The following PACRG variants were observed in gnomAD, a reference collection of about 807,000 sequenced individuals.
The protein encoded by PACRG is parkin coregulated.
PACRG carries 29 observed loss-of-function variants against 29.7 expected under a neutral mutation model. That is an observed-to-expected ratio of 0.98 (90% CI 0.73 to 1.33). The LOEUF (loss-of-function observed/expected upper bound fraction) is 1.33. Among genes scored for constraint, PACRG ranks in the 40% most tolerant of loss-of-function variants. PACRG has a pLI of 0.00. For synonymous variants in PACRG, 116 were observed against 118.7 expected, an observed-to-expected ratio of 0.98 and a Z score of 0.15; for missense variants, 279 against 316.2, an observed-to-expected ratio of 0.88 and a Z score of 0.89.
intron 1 of PACRG, among the ~76,000 whole-genome samples, chr6:162,797,023 TC>T (rs1391372806): frequency 2.0e-5 from 3 of 152,250 alleles, no homozygotes; most frequent in Admixed American, 2.0e-4. Context: ...ACGCCTGTAA[TC>T]CCAGCACTTT....
At chr6:163,135,029 G>GTA (rs1257959138) in intron 4 of PACRG, among the ~76,000 whole-genome samples, 4 of 151,978 alleles carry the variant, frequency 2.6e-5, no homozygotes, top group Non-Finnish European at 5.9e-5. Context: ...TTTACTCTCA[G>GTA]TATATATATC....
At chr6:163,129,778 T>TTTCCTTCCTACCTCACACTCAGC (rs1816661537) in intron 4 of PACRG, among the ~76,000 whole-genome samples, 1 of 152,136 alleles carries the variant, frequency 6.6e-6, no homozygotes, top group Admixed American at 6.6e-5. Context: ...TCACACTCAG[T>TTTCCTTCCTACCTCACACTCAGC]TTCCTCCCTC....
chr6:163,207,140 T>C (rs13217757), intron 4 of PACRG, among the ~76,000 whole-genome samples: 53,382 of 151,890 alleles, frequency 0.35, 9,455 homozygotes, highest in East Asian at 0.43. Context: ...AATGAAATGA[T>C]TTCAGTCGCA....
intron 4 of PACRG, among the ~76,000 whole-genome samples, chr6:163,288,741 A>G (rs1476266805): frequency 1.4e-5 from 2 of 147,660 alleles, no homozygotes; most frequent in African/African-American, 2.4e-5. Flanking sequence ...ACACTTTTGA[A>G]TGGCTTTCCC....
At chr6:163,234,175 A>T (rs1404226397) in intron 4 of PACRG, among the ~76,000 whole-genome samples, 1 of 152,050 alleles carries the variant, frequency 6.6e-6, no homozygotes, top group Non-Finnish European at 1.5e-5. Flanking sequence ...TATGGTTTGG[A>T]TATAGCTTGT....
In PACRG at chr6:162,814,190, C is replaced by T. The variant is rs1193209598; in HGVS notation, c.200C>T (p.Thr67Ile). The change falls in exon 2 of 5, where the codon ACC (threonine) becomes ATC (isoleucine). Residue 67 changes from threonine to isoleucine, a missense_variant. Transcript: ENST00000366888. ...GCAGGGGCATTTAAAGAAAGACCAACCAAGCCCACAGCATTTCGAAAATTC... is the reference window on the plus strand; with the variant it reads ...GCAGGGGCATTTAAAGAAAGACCAATCAAGCCCACAGCATTTCGAAAATTC... ...PAAGAFKERP[T>I]KPTAFRKFYE... 6.2e-7 allele frequency: 1 copy of T among 1,613,476 alleles called. No individual in the cohort carries two copies. The highest frequency in any genetic ancestry group is 1.7e-5 in the Admixed American group (1 of 59,968).
At chr6:163,243,090 C>T (rs192468992) in intron 4 of PACRG, among the ~76,000 whole-genome samples, 1 of 152,336 alleles carries the variant, frequency 6.6e-6, no homozygotes, top group Non-Finnish European at 1.5e-5. Flanking sequence ...AACCATGACC[C>T]GCATTGGACT....
At chr6:163,070,229 C>T (rs1811914608) in intron 3 of PACRG, among the ~76,000 whole-genome samples, 1 of 152,080 alleles carries the variant, frequency 6.6e-6, no homozygotes, top group African/African-American at 2.4e-5. Flanking sequence ...AGGAACAGAA[C>T]TCACTGGTAA....
chr6:163,140,110 T>C (rs575387201), intron 4 of PACRG, among the ~76,000 whole-genome samples: 1 of 152,296 alleles, frequency 6.6e-6, no homozygotes, highest in South Asian at 2.1e-4. Flanking sequence ...CTTACCATGA[T>C]GGCTCTATAC....
In PACRG at chr6:162,728,363, C is replaced by T. The variant is rs141787783; in HGVS notation, c.128C>T (p.Thr43Ile). The T allele has an allele frequency of 5.3e-5, 86 of 1,613,286 alleles. 1 individual carries two copies. Among genetic ancestry groups the T allele is most frequent in the Non-Finnish European group, 6.9e-5 (81 of 1,180,024 alleles). Residue 43 changes from threonine (T) to isoleucine (I), a missense_variant, in exon 1 of 5, where the codon ACA becomes ATA. Coordinates refer to ENST00000366888, the MANE Select transcript of PACRG (RefSeq NM_001080379.2). ...CACTCTCTGGTTTCTGAGGGTTTCA[C>T]AGTCAAAGCCATGATGAAAAACTCA... is the stretch of plus-strand genomic sequence containing the variant. Reference protein sequence around the residue: ...QPHSLVSEGFTVKAMMKNSVV... With the variant: ...QPHSLVSEGFIVKAMMKNSVV...
At chr6:163,244,918 C>A in intron 4 of PACRG, 5 of 309,092 alleles carry the variant, frequency 1.6e-5, no homozygotes, top group South Asian at 8.4e-5. Flanking sequence ...AAATTAATTC[C>A]CCGTTATGCT....
intron 2 of PACRG, among the ~76,000 whole-genome samples, chr6:162,816,826 T>TC (rs1787392855): frequency 6.6e-6 from 1 of 151,964 alleles, no homozygotes; most frequent in Non-Finnish European, 1.5e-5. Flanking sequence ...GGGCGATCCG[T>TC]CCCCCACAAA....
At chr6:163,176,385 A>G (rs555074723) in intron 4 of PACRG, among the ~76,000 whole-genome samples, 1 of 152,358 alleles carries the variant, frequency 6.6e-6, no homozygotes, top group South Asian at 2.1e-4. Context: ...AATGGAGAAC[A>G]AAGGAAGAAA....
intron 2 of PACRG, among the ~76,000 whole-genome samples, chr6:163,054,469 T>C (rs1010044578): frequency 5.9e-5 from 9 of 152,208 alleles, no homozygotes; most frequent in African/African-American, 2.2e-4. Flanking sequence ...CAAGCCACCT[T>C]GTCCATGGTA....
At chr6:163,267,075 A>G (rs1783555446) in intron 4 of PACRG, among the ~76,000 whole-genome samples, 1 of 152,208 alleles carries the variant, frequency 6.6e-6, no homozygotes, top group South Asian at 2.1e-4. Flanking sequence ...ATGCTGAGGC[A>G]GTACTCTGGA....
At chr6:162,761,922 C>T (rs951762420) in intron 1 of PACRG, among the ~76,000 whole-genome samples, 5 of 123,866 alleles carry the variant, frequency 4.0e-5, no homozygotes, top group Non-Finnish European at 7.9e-5. Flanking sequence ...GGTGACACAG[C>T]GAGACTCCAT....
intron 2 of PACRG, among the ~76,000 whole-genome samples, chr6:162,951,041 A>G (rs1178525330): frequency 6.6e-6 from 1 of 152,230 alleles, no homozygotes; most frequent in African/African-American, 2.4e-5. Flanking sequence ...TGAATCTTGT[A>G]TGTAACACAG....
At position 162,973,436 on chromosome 6, in the gene PACRG, G is replaced by C. The variant is rs566942954; in HGVS notation, c.292-88714G>C. Among the ~76,000 whole-genome samples the C allele has an allele frequency of 1.3e-4, 20 of 152,302 alleles. No homozygotes were observed. The East Asian group carries it at 1.7e-3, about 13-fold the overall frequency. On this transcript the variant is annotated intron_variant, in intron 2 of 4. Transcript: ENST00000366888. ...TTCAGCTGTGACTGCAGCCCTTGCT[G>C]GTAGGACCTCTCTCAGGGACTCCCA...
chr6:163,184,324 A>G (rs185023272), intron 4 of PACRG, among the ~76,000 whole-genome samples: 512 of 152,324 alleles, frequency 3.4e-3, no homozygotes, highest in Non-Finnish European at 6.0e-3. Context: ...AATCCTGTAC[A>G]TAAATTGTTT....
Sources: allele counts gnomAD v4.1 joint callset (sites outside exome capture counted in the v4.1 genomes callset), GRCh38; gene constraint gnomAD v4.1.1; transcripts MANE v1.5; gene names NCBI Gene and HGNC (gene_info 2026-07-23, HGNC 2026-07-21).